The following UGT2B15 variants were observed in gnomAD, a reference collection of about 807,000 sequenced individuals.
UGT2B15 encodes UDP glucuronosyltransferase family 2 member B15.
UGT2B15 carries 36 observed loss-of-function variants against 45.9 expected under a neutral mutation model. The observed-to-expected ratio is 0.78, with a 90% CI of 0.60 to 1.04. The LOEUF (loss-of-function observed/expected upper bound fraction) is 1.04, where lower values mean the gene tolerates loss of function less well. UGT2B15 is among the 50% of genes least tolerant of loss of function. UGT2B15 has a pLI of 0.00. For synonymous variants in UGT2B15, 219 were observed against 216.4 expected (o/e 1.01, Z -0.11); for missense variants, 617 against 622.4 (o/e 0.99, Z 0.09).
At position 68,650,606 on chromosome 4, in the gene UGT2B15, A is replaced by G. The variant is rs544708862; in HGVS notation, c.1314-3223T>C. ...TATTGTAGATAGCGCTGCAATAGAC[A>G]TACATGTGCATGTGTCTTTATAGTA... On this transcript the variant is annotated intron_variant, in intron 5 of 5. Coordinates refer to ENST00000338206, the MANE Select transcript of UGT2B15 (RefSeq NM_001076.4). Among the ~76,000 whole-genome samples the G allele has an allele frequency of 2.0e-5, 3 of 152,250 alleles. No homozygotes were observed. The South Asian group carries it at 6.2e-4, about 32-fold the overall frequency.
At chr4:68,652,916 G>A (rs1732698624) in intron 5 of UGT2B15, among the ~76,000 whole-genome samples, 1 of 151,914 alleles carries the variant, frequency 6.6e-6, no homozygotes, top group African/African-American at 2.4e-5. Context: ...TGAAAAGAGG[G>A]TTAACATCTT....
chr4:68,669,970 G>T lies in UGT2B15; in HGVS notation c.649C>A (p.His217Asn), dbSNP rs779310509. 3.1e-6 allele frequency: 5 copies of T among 1,613,734 alleles called. No homozygotes were observed. The highest frequency in any genetic ancestry group is 4.2e-6 in the Non-Finnish European group (5 of 1,179,904). Residue 217 changes from histidine to asparagine, a missense_variant, in exon 1 of 6, where the codon CAT becomes AAT. His to Asn is a moderately conservative substitution (Grantham distance 68). Around this residue, in one of 3 missense-constraint regions of UGT2B15, gnomAD observed 351 missense variants for 342.1 expected, o/e 1.03. Coordinates refer to ENST00000338206, the MANE Select transcript of UGT2B15 (RefSeq NM_001076.4). ...IFMERIKNMI[H>N]MLYFDFWFQI... ...AACCAAAAGTCAAAATAAAGCATAT[G>T]TATCATATTTTTTATCCTCTCCATG...
chr4:68,651,145 C>G (rs542880171), intron 5 of UGT2B15, among the ~76,000 whole-genome samples: 1 of 151,926 alleles, frequency 6.6e-6, no homozygotes, highest in South Asian at 2.1e-4. Context: ...TGCAGAAGCT[C>G]TTTAGTTTGA....
At chr4:68,669,786 A>G (rs1560612802) in intron 1 of UGT2B15, 109 bp downstream of exon 1, 1 of 1,431,316 alleles carries the variant, frequency 7.0e-7, no homozygotes, top group Non-Finnish European at 9.4e-7. Flanking sequence ...TTTGCAATTC[A>G]TAATTTCCCT....
In UGT2B15 at chr4:68,669,969, T is replaced by A. The variant is rs754021792; in HGVS notation, c.650A>T (p.His217Leu). Residue 217 changes from histidine (H) to leucine (L), a missense_variant, in exon 1 of 6, where the codon CAT becomes CTT. Around this residue, in one of 3 missense-constraint regions of UGT2B15, gnomAD observed 351 missense variants for 342.1 expected, o/e 1.03. Coordinates refer to ENST00000338206, the MANE Select transcript of UGT2B15 (RefSeq NM_001076.4). ...AAACCAAAAGTCAAAATAAAGCATA[T>A]GTATCATATTTTTTATCCTCTCCAT... ...IFMERIKNMI[H>L]MLYFDFWFQI... 2 of 1,613,780 alleles carry A rather than the reference T, an allele frequency of 1.2e-6. No homozygotes were observed. Among genetic ancestry groups the A allele is most frequent in the South Asian group, 2.2e-5 (2 of 91,010 alleles).
At chr4:68,666,322 G>A (rs1392275176) in intron 2 of UGT2B15, among the ~76,000 whole-genome samples, 1 of 152,120 alleles carries the variant, frequency 6.6e-6, no homozygotes, top group Non-Finnish European at 1.5e-5. Context: ...ATCTTGATGT[G>A]TTGGAAAATC....
chr4:68,651,437 G>A (rs1247014683), intron 5 of UGT2B15, among the ~76,000 whole-genome samples: 1 of 151,962 alleles, frequency 6.6e-6, no homozygotes, highest in African/African-American at 2.4e-5. Context: ...GTTTTTGTAT[G>A]GTTTGTCAAA....
In UGT2B15 at chr4:68,654,270, C is replaced by T. The variant is rs1452680889; in HGVS notation, c.1094-14G>A. On this transcript the variant is annotated splice_polypyrimidine_tract_variant and intron_variant, in intron 4 of 5. Transcript: ENST00000338206. Reference sequence around the variant, plus strand: ...TTTTGGGATGACCTAAAAGTGGATGCATTTTAACAAAATTATTAATTACAA... The same window carrying T: ...TTTTGGGATGACCTAAAAGTGGATGTATTTTAACAAAATTATTAATTACAA... The T allele has an allele frequency of 6.2e-7, 1 of 1,606,726 alleles. No homozygotes were observed. The highest frequency in any genetic ancestry group is 8.5e-7 in the Non-Finnish European group (1 of 1,175,512).
At position 68,670,278 on chromosome 4, in the gene UGT2B15, T is replaced by C. The variant is rs747654206; in HGVS notation, c.341A>G (p.Gln114Arg). Reference protein sequence around the residue: ...NTFWSYFSQLQELCWEYYDYS... With the variant: ...NTFWSYFSQLRELCWEYYDYS... ...GTCATAATATTCCCAACACAATTCTTGTAATTGTGAAAAATATGACCAAAA... is the reference window on the plus strand; with the variant it reads ...GTCATAATATTCCCAACACAATTCTCGTAATTGTGAAAAATATGACCAAAA... Residue 114 changes from glutamine (Q) to arginine (R), a missense_variant, in exon 1 of 6, where the codon CAA (glutamine) becomes CGA (arginine). By Grantham distance (43) the Gln-to-Arg change is conservative. Around this residue, in one of 3 missense-constraint regions of UGT2B15, gnomAD observed 351 missense variants for 342.1 expected, o/e 1.03. Transcript: ENST00000338206. 10 of 1,613,950 alleles carry C rather than the reference T, an allele frequency of 6.2e-6. No homozygotes were observed. Among genetic ancestry groups the C allele is most frequent in the Non-Finnish European group, 8.5e-6 (10 of 1,179,992 alleles).
At position 68,647,107 on chromosome 4, in the gene UGT2B15, A is replaced by T. The variant is rs760216669; in HGVS notation, c.1590T>A (p.Asp530Glu). Residue 530 changes from aspartate (D) to glutamate (E), a missense_variant, in exon 6 of 6, where the codon GAT becomes GAA. By Grantham distance (45) the Asp-to-Glu change is conservative (BLOSUM62 2). Around this residue, in one of 3 missense-constraint regions of UGT2B15, gnomAD observed 265 missense variants for 245.1 expected, o/e 1.08. Transcript: ENST00000338206. ...CCACTTCAGGCTTTTGATATAACTA[A>T]TCTCTTTTCTTCTTCTTTCCTTTTT... Reference protein sequence around the residue: ...LAKKGKKKKRD With the variant: ...LAKKGKKKKRE 2 of 1,612,418 alleles carry T rather than the reference A, an allele frequency of 1.2e-6. No homozygotes were observed. The highest frequency in any genetic ancestry group is 8.5e-7 in the Non-Finnish European group (1 of 1,178,942).
At position 68,646,988 on chromosome 4, in the gene UGT2B15, G is replaced by A. The variant is rs1270517732; in HGVS notation, c.*116C>T. 4.8e-6 allele frequency: 7 copies of A among 1,465,132 alleles called. No homozygotes were observed. The Admixed American group carries it at 1.6e-4, about 33-fold the overall frequency. The allele number at this position is 1,465,132 out of a possible 1,614,324, so 90.8% of individuals were successfully genotyped here. Reference sequence around the variant, plus strand: ...AATAAATTTTGTCTTAACAAGGTAAGTTGTGAAAAGATGTTTTGTCACAGG... The same window carrying A: ...AATAAATTTTGTCTTAACAAGGTAAATTGTGAAAAGATGTTTTGTCACAGG... On this transcript the variant is annotated 3_prime_UTR_variant, in exon 6 of 6. Coordinates refer to ENST00000338206, the MANE Select transcript of UGT2B15 (RefSeq NM_001076.4).
intron 3 of UGT2B15, among the ~76,000 whole-genome samples, chr4:68,661,837 A>C (rs543554989): frequency 1.1e-4 from 17 of 152,132 alleles, no homozygotes; most frequent in Non-Finnish European, 2.5e-4. Context: ...CATGATTAAC[A>C]ATACAGATGC....
At chr4:68,649,647 A>C (rs1417600243) in intron 5 of UGT2B15, among the ~76,000 whole-genome samples, 5 of 151,950 alleles carry the variant, frequency 3.3e-5, no homozygotes, top group Admixed American at 3.3e-4. Context: ...ATATGTATGG[A>C]TACATATATA....
intron 2 of UGT2B15, among the ~76,000 whole-genome samples, chr4:68,666,752 A>ATATTTTTT (rs1553925091): frequency 3.1e-5 from 4 of 127,892 alleles, no homozygotes; most frequent in Admixed American, 8.4e-5. Context: ...ATATATATAT[A>ATATTTTTT]TTTTTTTTTT....
intron 3 of UGT2B15, among the ~76,000 whole-genome samples, chr4:68,659,743 GA>G (rs1184088305): frequency 3.3e-5 from 5 of 151,812 alleles, no homozygotes; most frequent in Middle Eastern, 3.4e-3. Flanking sequence ...AGGTGCTCTT[GA>G]AAAAAAGTTT....
At chr4:68,649,073 T>C (rs1732572172) in intron 5 of UGT2B15, among the ~76,000 whole-genome samples, 1 of 151,856 alleles carries the variant, frequency 6.6e-6, no homozygotes, top group South Asian at 2.1e-4. Flanking sequence ...AATTAGAATT[T>C]TTTGTTGACT....
At chr4:68,653,454 A>G (rs1302048872) in intron 5 of UGT2B15, among the ~76,000 whole-genome samples, 1 of 152,056 alleles carries the variant, frequency 6.6e-6, no homozygotes, top group East Asian at 1.9e-4. Context: ...TGAGAAACAA[A>G]GTAAGATGGT....
rs1335252688 is a variant in UGT2B15, at chr4:68,670,113, A to G, written c.506T>C (p.Phe169Ser). ...AACAGAGAATCGAAGACTGTACAGA[A>G]AGGGTATGTTAAATAGTTCAGCCAG... ...ELLAELFNIPFLYSLRFSVGY... is the reference protein window; with the variant it reads ...ELLAELFNIPSLYSLRFSVGY... The change falls in exon 1 of 6, where the codon TTT (phenylalanine) becomes TCT (serine). Residue 169 changes from phenylalanine to serine, a missense_variant. By Grantham distance (155) the Phe-to-Ser change is radical (BLOSUM62 -2). Around this residue, in one of 3 missense-constraint regions of UGT2B15, gnomAD observed 351 missense variants for 342.1 expected, o/e 1.03. Coordinates refer to ENST00000338206, the MANE Select transcript of UGT2B15 (RefSeq NM_001076.4). 1 of 1,614,118 alleles carries G rather than the reference A, an allele frequency of 6.2e-7. No individual in the cohort carries two copies. The highest frequency in any genetic ancestry group is 8.5e-7 in the Non-Finnish European group (1 of 1,179,980).
At chr4:68,656,999 AGTT>A (rs202229066) in intron 3 of UGT2B15, among the ~76,000 whole-genome samples, 3,351 of 152,132 alleles carry the variant, frequency 0.022, 89 homozygotes, top group African/African-American at 0.049. Flanking sequence ...CCTCCTAGGA[AGTT>A]GTTGTTTAAG....
Sources: gnomAD v4.1 joint callset for allele counts (sites outside exome capture counted in the v4.1 genomes callset) on GRCh38, gnomAD v4.1.1 for gene constraint, gnomAD v4.1.1 regional missense constraint, MANE v1.5 for transcripts, NCBI Gene and HGNC (gene_info 2026-07-23, HGNC 2026-07-21) for gene names.